Variants in PRMT8 observed in about 807,000 individuals in gnomAD.
The protein encoded by PRMT8 is protein arginine N-methyltransferase 8.
A neutral mutation model predicts 47.1 loss-of-function variants in PRMT8; 7 were observed. That is an observed-to-expected ratio of 0.15 (90% CI 0.08 to 0.28). The LOEUF is 0.28. Ranked by LOEUF, PRMT8 falls within the 10% of genes least tolerant of loss-of-function variation. The pLI is 1.00. For missense variants in PRMT8, 237 were observed against 505.4 expected (o/e 0.47, Z 5.09); for synonymous variants, 188 against 186.5 (o/e 1.01, Z -0.07).
At chr12:3,443,014 A>T (rs1451904154) in intron 1 of PRMT8, among the ~76,000 whole-genome samples, 1 of 152,152 alleles carries the variant, frequency 6.6e-6, no homozygotes, top group Non-Finnish European at 1.5e-5. Context: ...AAAAAAGTAA[A>T]ATGATAGATT....
chr12:3,537,850 A>G (rs1343898844), intron 1 of PRMT8, among the ~76,000 whole-genome samples: 3 of 152,118 alleles, frequency 2.0e-5, no homozygotes, highest in Admixed American at 2.0e-4. Flanking sequence ...ATAGCCTCCA[A>G]AGTTCATACT....
intron 1 of PRMT8, among the ~76,000 whole-genome samples, chr12:3,390,546 C>A (rs969633299): frequency 6.6e-6 from 1 of 152,144 alleles, no homozygotes; most frequent in Non-Finnish European, 1.5e-5. Context: ...CTCACAGTAA[C>A]CCTAATAGTA....
At chr12:3,584,066 C>T (rs923887502) in intron 8 of PRMT8, among the ~76,000 whole-genome samples, 3 of 152,216 alleles carry the variant, frequency 2.0e-5, no homozygotes, top group Admixed American at 6.5e-5. Context: ...GCAGCCATAA[C>T]AAAATACCCA....
intron 1 of PRMT8, among the ~76,000 whole-genome samples, chr12:3,498,892 G>C (rs1189080218): frequency 1.3e-5 from 2 of 152,178 alleles, no homozygotes; most frequent in Non-Finnish European, 2.9e-5. Context: ...CTGAAATCCA[G>C]ATGCCAGCAG....
At chr12:3,497,068 A>T (rs1250843870) in intron 1 of PRMT8, among the ~76,000 whole-genome samples, 1 of 152,146 alleles carries the variant, frequency 6.6e-6, no homozygotes, top group African/African-American at 2.4e-5. Context: ...TGAAGTGATT[A>T]TCACATACCA....
intron 4 of PRMT8, among the ~76,000 whole-genome samples, chr12:3,558,495 T>C (rs1204331947): frequency 6.6e-6 from 1 of 152,216 alleles, no homozygotes; most frequent in Non-Finnish European, 1.5e-5. Flanking sequence ...ATCCTTTTCA[T>C]GTTTTGTCAA....
intron 1 of PRMT8, among the ~76,000 whole-genome samples, chr12:3,462,166 A>T (rs1865049343): frequency 1.3e-5 from 2 of 151,950 alleles, no homozygotes; most frequent in Non-Finnish European, 2.9e-5. Context: ...TTCTTGTGTT[A>T]GTTTGCTAAG....
intron 1 of PRMT8, among the ~76,000 whole-genome samples, chr12:3,482,952 G>C (rs142519026): frequency 1.1e-3 from 171 of 152,304 alleles, no homozygotes; most frequent in African/African-American, 4.0e-3. Flanking sequence ...TCAGAGCCTG[G>C]ATTTAAGGCC....
At chr12:3,434,780 G>T (rs1353287450) in intron 1 of PRMT8, among the ~76,000 whole-genome samples, 6 of 151,570 alleles carry the variant, frequency 4.0e-5, no homozygotes, top group African/African-American at 1.5e-4. Flanking sequence ...TTCCAGCTGG[G>T]ACTCTCACAG....
At chr12:3,474,293 G>T (rs1205550842) in intron 1 of PRMT8, among the ~76,000 whole-genome samples, 2 of 152,160 alleles carry the variant, frequency 1.3e-5, no homozygotes, top group Non-Finnish European at 2.9e-5. Context: ...AAGTTACTTA[G>T]CCTCTATAAG....
Position 3,408,798 on chromosome 12 carries a change from T to A in PRMT8, c.48+27356T>A, listed in dbSNP as rs1864398426. Among the ~76,000 whole-genome samples the A allele has an allele frequency of 2.0e-5, 3 of 152,308 alleles. No homozygotes were observed. The South Asian group carries it at 6.2e-4, about 32-fold the overall frequency. On this transcript the variant is annotated intron_variant, in intron 1 of 9. Transcript: ENST00000452611. ...TGTGGTGGCTCTGGATTGAAGTGGA[T>A]GCAGTAGTATAGCCCCTGTGCAGTT...
At chr12:3,485,547 C>T (rs1865314895) in intron 1 of PRMT8, among the ~76,000 whole-genome samples, 1 of 152,104 alleles carries the variant, frequency 6.6e-6, no homozygotes. Flanking sequence ...GAAAATTCAT[C>T]AGTAGGTGAA....
chr12:3,463,743 G>A (rs1266731779), intron 1 of PRMT8, among the ~76,000 whole-genome samples: 1 of 152,178 alleles, frequency 6.6e-6, no homozygotes, highest in Non-Finnish European at 1.5e-5. Flanking sequence ...ACAGGCATGA[G>A]CCACTGCACC....
chr12:3,470,333 G>A (rs79580713), intron 1 of PRMT8, among the ~76,000 whole-genome samples: 2,874 of 152,250 alleles, frequency 0.019, 97 homozygotes, highest in African/African-American at 0.066. Context: ...CACTTTGGTT[G>A]TTTTTCCATA....
At chr12:3,549,830 G>C in intron 2 of PRMT8, 106 bp from the exon 3 acceptor site, 1 of 1,270,974 alleles carries the variant, frequency 7.9e-7, no homozygotes, top group Non-Finnish European at 1.1e-6. Flanking sequence ...TGATATTATC[G>C]GGTCTCCTGA....
At position 3,538,623 on chromosome 12, in the gene PRMT8, T is replaced by C. The variant is rs755805597; in HGVS notation, c.76-1983T>C. Reference sequence around the variant, plus strand: ...GACCATGCACAATGCCCAGACCAGCTCCGACTTTTTCCTCTCCTTCACATA... The same window carrying C: ...GACCATGCACAATGCCCAGACCAGCCCCGACTTTTTCCTCTCCTTCACATA... On this transcript the variant is annotated intron_variant, in intron 1 of 9. Coordinates refer to ENST00000382622, the MANE Select transcript of PRMT8 (RefSeq NM_019854.5). The surrounding 1 kb of genome is among the most constrained non-coding windows in gnomAD (Gnocchi z 4.6). 2 of 519,038 alleles carry C rather than the reference T, an allele frequency of 3.9e-6. No individual in the cohort carries two copies. Among genetic ancestry groups the C allele is most frequent in the East Asian group, 1.1e-4 (2 of 18,354 alleles). The allele number at this position is 519,038 out of a possible 1,614,324, so 32.2% of individuals were successfully genotyped here.
At chr12:3,431,179 AC>A (rs1437136651) in intron 1 of PRMT8, among the ~76,000 whole-genome samples, 1 of 152,154 alleles carries the variant, frequency 6.6e-6, no homozygotes, top group Non-Finnish European at 1.5e-5. Context: ...TTCTAGAAAT[AC>A]CCTTTTGCAT....
rs1436791509 is a variant in PRMT8 at position 3,493,249 on chromosome 12, C to T, written c.75+1549C>T. ...CAGCCCCCACCTGAGAGCAGACATT[C>T]GGAATGATGTGTAGTGCGAGGCGGC... On this transcript the variant is annotated intron_variant, in intron 1 of 9. Coordinates refer to ENST00000382622, the MANE Select transcript of PRMT8 (RefSeq NM_019854.5). The surrounding 1 kb of genome is among the most constrained non-coding windows in gnomAD (Gnocchi z 8.2). Among the ~76,000 whole-genome samples, 2 of 152,136 alleles carry T rather than the reference C, an allele frequency of 1.3e-5. No homozygotes were observed. The highest frequency in any genetic ancestry group is 2.1e-4 in the South Asian group (1 of 4,822).
intron 1 of PRMT8, among the ~76,000 whole-genome samples, chr12:3,525,323 G>C (rs984931716): frequency 6.6e-6 from 1 of 152,198 alleles, no homozygotes. Context: ...ATAAAGATCA[G>C]GGTGACAGAG....
Sources: allele counts gnomAD v4.1 joint callset (sites outside exome capture counted in the v4.1 genomes callset), GRCh38; gene constraint gnomAD v4.1.1; non-coding constraint Gnocchi (gnomAD v3.1); transcripts MANE v1.5; gene names NCBI Gene and HGNC (gene_info 2026-07-23, HGNC 2026-07-21).